DNAJC15: variants seen among roughly 807,000 people sequenced by gnomAD.
DNAJC15 encodes DnaJ heat shock protein family (Hsp40) member C15.
DNAJC15 carries 27 observed loss-of-function variants against 22.4 expected under a neutral mutation model. The ratio of observed to expected loss-of-function variants is 1.20; its 90% confidence interval spans 0.89 to 1.66. The LOEUF is 1.66. Among genes scored for constraint, DNAJC15 ranks in the 40% most tolerant of loss-of-function variants. DNAJC15 has a pLI of 0.00. For missense variants in DNAJC15, 208 were observed against 187.1 expected (o/e 1.11, Z -0.65); for synonymous variants, 79 against 63.2 (o/e 1.25, Z -1.19).
chr13:43,054,019 T>C (rs1285935939), intron 1 of DNAJC15, among the ~76,000 whole-genome samples: 1 of 152,246 alleles, frequency 6.6e-6, no homozygotes. Context: ...CTTTCAACTT[T>C]TCTCCACTCA....
intron 5 of DNAJC15, among the ~76,000 whole-genome samples, chr13:43,087,793 GA>G (rs1257393106): frequency 1.3e-5 from 2 of 152,200 alleles, no homozygotes; most frequent in Non-Finnish European, 2.9e-5. Flanking sequence ...GCTGTGCAAA[GA>G]AAGTGACACC....
chr13:43,075,279 A>C (rs2153441220), intron 3 of DNAJC15, among the ~76,000 whole-genome samples: 1 of 152,212 alleles, frequency 6.6e-6, no homozygotes, highest in East Asian at 1.9e-4. Flanking sequence ...CTTTTCTGAA[A>C]CTCTATGTCT....
chr13:43,092,289 G>A (rs2040718886), intron 5 of DNAJC15, among the ~76,000 whole-genome samples: 1 of 151,992 alleles, frequency 6.6e-6, no homozygotes, highest in South Asian at 2.1e-4. Flanking sequence ...ATGTATAGCT[G>A]TACCACCTTT....
intron 3 of DNAJC15, among the ~76,000 whole-genome samples, chr13:43,076,520 T>G (rs1169683172): frequency 1.3e-5 from 2 of 152,162 alleles, no homozygotes; most frequent in East Asian, 1.9e-4. Context: ...AAAGAAAAAA[T>G]TATAATCCCA....
intron 5 of DNAJC15, among the ~76,000 whole-genome samples, chr13:43,098,558 GC>G (rs1284927825): frequency 1.3e-5 from 2 of 152,026 alleles, no homozygotes; most frequent in African/African-American, 2.4e-5. Context: ...ATTATTTAAT[GC>G]TATATTGAGA....
At chr13:43,097,160 G>T (rs1375666904) in intron 5 of DNAJC15, among the ~76,000 whole-genome samples, 1 of 152,242 alleles carries the variant, frequency 6.6e-6, no homozygotes, top group Non-Finnish European at 1.5e-5. Flanking sequence ...ATGGCAGCTG[G>T]AGGGGAGGCG....
intron 1 of DNAJC15, among the ~76,000 whole-genome samples, chr13:43,031,432 T>G (rs1357771119): frequency 6.6e-6 from 1 of 151,798 alleles, no homozygotes; most frequent in Non-Finnish European, 1.5e-5. Flanking sequence ...TTAAGAAGGG[T>G]AGAAACTAAA....
At chr13:43,051,674 A>G (rs1593314994) in intron 1 of DNAJC15, among the ~76,000 whole-genome samples, 2 of 147,832 alleles carry the variant, frequency 1.4e-5, no homozygotes. Context: ...TATATATCAC[A>G]TTTTCTTTAT....
At chr13:43,101,792 C>G (rs1368108342) in intron 5 of DNAJC15, among the ~76,000 whole-genome samples, 1 of 152,134 alleles carries the variant, frequency 6.6e-6, no homozygotes, top group Non-Finnish European at 1.5e-5. Context: ...GAGTAGTATT[C>G]CATTATAGAT....
chr13:43,041,654 C>G (rs1384405755), intron 1 of DNAJC15, among the ~76,000 whole-genome samples: 1 of 152,190 alleles, frequency 6.6e-6, no homozygotes, highest in African/African-American at 2.4e-5. Context: ...CTCACATTTC[C>G]CTCCTTGGCC....
At chr13:43,085,038 T>C (rs2040680800) in intron 4 of DNAJC15, among the ~76,000 whole-genome samples, 3 of 152,164 alleles carry the variant, frequency 2.0e-5, no homozygotes, top group South Asian at 2.1e-4. Flanking sequence ...TGATCAAGCT[T>C]ACACAATCTT....
intron 5 of DNAJC15, among the ~76,000 whole-genome samples, chr13:43,095,221 G>C (rs2040734002): frequency 6.6e-6 from 1 of 152,204 alleles, no homozygotes; most frequent in Non-Finnish European, 1.5e-5. Flanking sequence ...AGGGAGACAA[G>C]AAAGTGAATT....
At chr13:43,066,488 G>C (rs868794260) in intron 2 of DNAJC15, among the ~76,000 whole-genome samples, 15 of 152,208 alleles carry the variant, frequency 9.9e-5, no homozygotes, top group African/African-American at 3.6e-4. Flanking sequence ...GATAATCAAG[G>C]ATCATCTCCC....
chr13:43,069,505 T>C (rs930973469), intron 3 of DNAJC15, among the ~76,000 whole-genome samples: 14 of 152,176 alleles, frequency 9.2e-5, no homozygotes, highest in African/African-American at 3.4e-4. Flanking sequence ...CTGTAGAACT[T>C]ATTATACATT....
At chr13:43,082,609 G>A (rs1043038686) in intron 4 of DNAJC15, among the ~76,000 whole-genome samples, 4 of 152,060 alleles carry the variant, frequency 2.6e-5, no homozygotes, top group African/African-American at 4.8e-5. Context: ...CCTTCCTTGT[G>A]TTTACTTTAG....
intron 3 of DNAJC15, among the ~76,000 whole-genome samples, chr13:43,073,427 A>G (rs1219514076): frequency 6.6e-6 from 1 of 152,124 alleles, no homozygotes; most frequent in East Asian, 1.9e-4. Flanking sequence ...AGTACCTACC[A>G]CCCAAAATAA....
intron 5 of DNAJC15, among the ~76,000 whole-genome samples, chr13:43,100,802 T>C (rs902422603): frequency 6.6e-6 from 1 of 152,238 alleles, no homozygotes; most frequent in Non-Finnish European, 1.5e-5. Context: ...TATTAAGTCT[T>C]CTGTTTCCTT....
chr13:43,051,661 G>GTGTGTA (rs899772980), intron 1 of DNAJC15, among the ~76,000 whole-genome samples: 2 of 78,026 alleles, frequency 2.6e-5, no homozygotes, highest in African/African-American at 8.5e-5. Flanking sequence ...GTGTGTGTGT[G>GTGTGTA]TATATATATC....
At chr13:43,066,727 A>G (rs1050766376) in intron 2 of DNAJC15, among the ~76,000 whole-genome samples, 1 of 152,092 alleles carries the variant, frequency 6.6e-6, no homozygotes, top group Non-Finnish European at 1.5e-5. Context: ...GGTTCATGCC[A>G]TTCTCCTGCC....
Sources: allele counts gnomAD v4.1 joint callset (sites outside exome capture counted in the v4.1 genomes callset), GRCh38; gene constraint gnomAD v4.1.1; transcripts MANE v1.5; gene names NCBI Gene and HGNC (gene_info 2026-07-23, HGNC 2026-07-21).